SULF2: variants seen among roughly 807,000 people sequenced by gnomAD.
SULF2 encodes sulfatase 2.
SULF2 carries 52 observed loss-of-function variants against 107.7 expected under a neutral mutation model. That is an observed-to-expected ratio of 0.48 (90% CI 0.39 to 0.61). The LOEUF is 0.61. Ranked by LOEUF, SULF2 falls within the 20% of genes least tolerant of loss-of-function variation. SULF2 has a pLI of 0.00. For missense variants in SULF2, 993 were observed against 1,177.3 expected, an observed-to-expected ratio of 0.84 and a Z score of 2.29; for synonymous variants, 460 against 464.3, an observed-to-expected ratio of 0.99 and a Z score of 0.12.
At chr20:47,724,121 C>A (rs1237787065) in intron 3 of SULF2, among the ~76,000 whole-genome samples, 4 of 152,204 alleles carry the variant, frequency 2.6e-5, no homozygotes, top group African/African-American at 9.7e-5. Context: ...CCAGGCCAAA[C>A]AAGGTCTTGG....
chr20:47,658,534 AC>A (rs2086967071), intron 20 of SULF2, 142 bp from the exon 21 acceptor site: 5 of 897,460 alleles, frequency 5.6e-6, no homozygotes, highest in African/African-American at 4.9e-5. Context: ...CGGGATTGCC[AC>A]CACCTAGTCA....
rs905181589 is a variant in SULF2 at position 47,672,237 on chromosome 20, G to T, written c.1537C>A (p.Leu513Ile). 19 of 1,612,608 alleles carry T rather than the reference G, an allele frequency of 1.2e-5. No individual in the cohort carries two copies. Among genetic ancestry groups the T allele is most frequent in the Non-Finnish European group, 1.5e-5 (18 of 1,178,976 alleles). ...TTTTTCCGGCGTCCGGCCAGGCTGA[G>T]CTTGTAGTCCCCGCTGTCACAGGTG... Reference protein sequence around the residue: ...ACTCDSGDYKLSLAGRRKKLF... With the variant: ...ACTCDSGDYKISLAGRRKKLF... Residue 513 changes from leucine (L) to isoleucine (I), a missense_variant, in exon 11 of 21, where the codon CTC becomes ATC. By Grantham distance (5) the Leu-to-Ile change is conservative. Around this residue, in one of 3 missense-constraint regions of SULF2, gnomAD observed 497 missense variants for 544.1 expected, o/e 0.91. Transcript: ENST00000688720.
At chr20:47,712,353 C>A (rs112443635) in intron 3 of SULF2, among the ~76,000 whole-genome samples, 1 of 152,226 alleles carries the variant, frequency 6.6e-6, no homozygotes, top group African/African-American at 2.4e-5. Flanking sequence ...CTGCCTGGGA[C>A]GCCTGCCTCC....
At chr20:47,659,879 G>A (rs902729040) in intron 18 of SULF2, 149 bp from the exon 19 acceptor site, 3 of 655,930 alleles carry the variant, frequency 4.6e-6, no homozygotes, top group African/African-American at 3.7e-5. Context: ...ATTATGAGGG[G>A]TAGACTGAAT....
chr20:47,739,411 A>C (rs1392629657), intron 2 of SULF2, among the ~76,000 whole-genome samples: 1 of 152,162 alleles, frequency 6.6e-6, no homozygotes, highest in Non-Finnish European at 1.5e-5. Flanking sequence ...CGTGCCCCTG[A>C]GGTCCCAGTA....
chr20:47,685,863 G>A (rs2087984773), intron 5 of SULF2: 1 of 152,258 alleles, frequency 6.6e-6, no homozygotes, highest in African/African-American at 2.4e-5. Context: ...TTCTGTCTGA[G>A]CACCTGTGAT....
At chr20:47,711,791 T>C (rs1446752721) in intron 3 of SULF2, among the ~76,000 whole-genome samples, 1 of 152,190 alleles carries the variant, frequency 6.6e-6, no homozygotes, top group East Asian at 1.9e-4. Flanking sequence ...AACACATACA[T>C]ATACACACAT....
chr20:47,696,361 A>G (rs543017785), intron 4 of SULF2, among the ~76,000 whole-genome samples: 65 of 152,030 alleles, frequency 4.3e-4, no homozygotes, highest in Middle Eastern at 3.4e-3. Context: ...AAAATAGTAC[A>G]AAGGACAGTG....
intron 1 of SULF2, among the ~76,000 whole-genome samples, chr20:47,767,908 CAA>C (rs11483856): frequency 0.16 from 22,720 of 139,948 alleles, 2,805 homozygotes; most frequent in African/African-American, 0.36. Context: ...GACTCTGTCT[CAA>C]AAAAAAAAAA....
At chr20:47,705,924 G>A (rs769497347) in intron 3 of SULF2, among the ~76,000 whole-genome samples, 2 of 150,604 alleles carry the variant, frequency 1.3e-5, no homozygotes, top group African/African-American at 2.4e-5. Context: ...TCAGCATCCC[G>A]AGTAGCTGGG....
chr20:47,783,302 T>A (rs1399602175), intron 1 of SULF2, among the ~76,000 whole-genome samples: 1 of 152,212 alleles, frequency 6.6e-6, no homozygotes, highest in East Asian at 1.9e-4. Context: ...AAGTCTAAGG[T>A]CAGATAATGG....
intron 3 of SULF2, among the ~76,000 whole-genome samples, chr20:47,707,161 G>A (rs1013512883): frequency 1.3e-5 from 2 of 151,658 alleles, no homozygotes; most frequent in African/African-American, 4.9e-5. Flanking sequence ...GCTAATTTTT[G>A]TATTTTTAGT....
intron 1 of SULF2, among the ~76,000 whole-genome samples, chr20:47,768,526 C>T (rs986533594): frequency 1.3e-5 from 2 of 152,256 alleles, no homozygotes; most frequent in African/African-American, 4.8e-5. Flanking sequence ...TTCCTGGCCA[C>T]CTCGTGCCTG....
At chr20:47,701,538 T>C (rs927664529) in intron 4 of SULF2, among the ~76,000 whole-genome samples, 1 of 152,168 alleles carries the variant, frequency 6.6e-6, no homozygotes, top group African/African-American at 2.4e-5. Flanking sequence ...ACTCCGAACA[T>C]GCACACGCCC....
intron 3 of SULF2, among the ~76,000 whole-genome samples, chr20:47,727,602 C>T (rs999800062): frequency 6.6e-6 from 1 of 152,188 alleles, no homozygotes; most frequent in Non-Finnish European, 1.5e-5. Flanking sequence ...CCTGCCCCAT[C>T]GGCCTCACAT....
At chr20:47,753,098 CAAAAAA>C (rs10578438) in intron 2 of SULF2, among the ~76,000 whole-genome samples, 1 of 90,686 alleles carries the variant, frequency 1.1e-5, no homozygotes, top group East Asian at 2.9e-4. Flanking sequence ...GAGACTCTCT[CAAAAAA>C]AAAAAAAAAA....
chr20:47,778,354 C>CT (rs1470643142), intron 1 of SULF2, among the ~76,000 whole-genome samples: 3 of 152,362 alleles, frequency 2.0e-5, no homozygotes, highest in Middle Eastern at 3.4e-3. Flanking sequence ...CATAACAACT[C>CT]TGAGTTTGGG....
Position 47,663,757 on chromosome 20 carries a change from C to T in SULF2, c.2058-135G>A, listed in dbSNP as rs1602581482. 1.2e-5 allele frequency: 13 copies of T among 1,045,110 alleles called. No homozygotes were observed. The East Asian group carries it at 3.2e-4, about 26-fold the overall frequency. The allele number at this position is 1,045,110 out of a possible 1,614,324, so 64.7% of individuals were successfully genotyped here. On this transcript the variant is annotated intron_variant, in intron 15 of 20. Transcript: ENST00000688720. ...AGCCATGGGCATAGCAATTCAGGGT[C>T]CCAAGTCCCAGTGCTGCTCCAAGGC...
intron 8 of SULF2, 141 bp from the exon 9 acceptor site, chr20:47,677,275 C>G: frequency 1.2e-6 from 1 of 866,660 alleles, no homozygotes; most frequent in Non-Finnish European, 1.8e-6. Flanking sequence ...GTGTGCCCAG[C>G]TGGGCACTAG....
Sources: gnomAD v4.1 joint callset for allele counts (sites outside exome capture counted in the v4.1 genomes callset) on GRCh38, gnomAD v4.1.1 for gene constraint, gnomAD v4.1.1 regional missense constraint, MANE v1.5 for transcripts, NCBI Gene and HGNC (gene_info 2026-07-23, HGNC 2026-07-21) for gene names.